The following KDM5C variants were observed in gnomAD, a reference collection of about 807,000 sequenced individuals.
The protein encoded by KDM5C is lysine demethylase 5C.
A neutral mutation model predicts 110.6 loss-of-function variants in KDM5C; 16 were observed. The ratio of observed to expected loss-of-function variants is 0.14; its 90% CI spans 0.10 to 0.22. KDM5C has a LOEUF of 0.22. KDM5C is among the 10% of genes least tolerant of loss of function. The pLI is 1.00. For missense variants in KDM5C, 681 were observed against 1,300.9 expected, an observed-to-expected ratio of 0.52 and a Z score of 7.33; for synonymous variants, 511 against 520.4, an observed-to-expected ratio of 0.98 and a Z score of 0.24.
In KDM5C at chrX:53,197,765, C is replaced by A. The variant is rs2073005200; in HGVS notation, c.2622+6G>T. The A allele has an allele frequency of 8.4e-7, 1 of 1,193,472 alleles. No individual in the cohort carries two copies. ...GATCCCTCATCAGCACTCCAAGCGTCCTCACCTTGACATCCCCAATCTGGT... is the reference window on the plus strand; with the variant it reads ...GATCCCTCATCAGCACTCCAAGCGTACTCACCTTGACATCCCCAATCTGGT... On this transcript the variant is annotated splice_donor_region_variant and intron_variant, in intron 18 of 25. Transcript: ENST00000375401.
chrX:53,202,485 C>T (rs1381698901), intron 12 of KDM5C: 1 of 123,852 alleles, frequency 8.1e-6, no homozygotes, highest in Non-Finnish European at 1.7e-5. Context: ...TCTCAATTTG[C>T]TCAGTTTTTT....
In KDM5C at chrX:53,196,816, G is replaced by T. The variant is rs1556837277; in HGVS notation, c.2851C>A (p.Arg951=). Residue 951 remains arginine (R), a synonymous_variant, in exon 19 of 26, where the codon CGA becomes AGA. Coordinates refer to ENST00000375401, the MANE Select transcript of KDM5C (RefSeq NM_004187.5). ...CTGGCACCCGCGACCAACAGTCCTCGCATGACAGCCAAGGTGCCCCTTCGG... is the reference window on the plus strand; with the variant it reads ...CTGGCACCCGCGACCAACAGTCCTCTCATGACAGCCAAGGTGCCCCTTCGG... ...SARRGTLAVM[R]GLLVAGASVA... is the part of the protein sequence containing the mutation. 7.4e-6 allele frequency: 9 copies of T among 1,211,374 alleles called. No individual in the cohort carries two copies. The highest frequency in any genetic ancestry group is 1.0e-5 in the Non-Finnish European group (9 of 894,974).
chrX:53,225,176 C>T lies in KDM5C; in HGVS notation c.-287G>A. 2.9e-6 allele frequency: 1 copy of T among 347,678 alleles called. No individual in the cohort carries two copies. Among genetic ancestry groups the T allele is most frequent in the East Asian group, 4.4e-5 (1 of 22,764 alleles). 28.7% of individuals were successfully genotyped at this position (347,678 alleles called of 1,213,427 possible). On this transcript the variant is annotated 5_prime_UTR_variant, in exon 1 of 26. Coordinates refer to ENST00000375401, the MANE Select transcript of KDM5C (RefSeq NM_004187.5). ...ACAGTTACCTCCCAAACGCCGCGGC[C>T]TTCAGCGCCGCCGCCGCCATCTTGG...
At chrX:53,187,203 G>C (rs1226672950), downstream of KDM5C, among the ~76,000 whole-genome samples, 1 of 110,334 alleles carries the variant, frequency 9.1e-6, no homozygotes, top group African/African-American at 3.3e-5. Context: ...CCTGCCAACA[G>C]AACAGTAACC....
Position 53,211,498 on chromosome X carries a change from T to A in KDM5C, c.1400A>T (p.Glu467Val). Reference sequence around the variant, plus strand: ...CGTAACCATGAATCATCCACTCACCTCCTCTTCGGGGGTTAGGTGCCGTTT... The same window carrying A: ...CGTAACCATGAATCATCCACTCACCACCTCTTCGGGGGTTAGGTGCCGTTT... ...DSKRHLTPEE[E>V]EYATSGWNLN... Residue 467 changes from glutamate to valine, a missense_variant and splice_region_variant, in exon 10 of 26, where the codon GAG becomes GTG. This residue lies in a region of KDM5C where 41 missense variants were observed against 205.9 expected (regional missense o/e 0.20). Transcript: ENST00000375401. 2 of 1,211,014 alleles carry A rather than the reference T, an allele frequency of 1.7e-6. No individual in the cohort carries two copies. The highest frequency in any genetic ancestry group is 3.5e-5 in the African/African-American group (2 of 57,771).
chrX:53,195,456 A>G lies in KDM5C; in HGVS notation c.3121-46T>C, dbSNP rs1556836074. ...CAGCTCAGTTCAACTTGCCAATGCT[A>G]TTGATGCTTACTCTGTGCCTGGCCC... On this transcript the variant is annotated intron_variant, in intron 20 of 25. Coordinates refer to ENST00000375401, the MANE Select transcript of KDM5C (RefSeq NM_004187.5). The G allele has an allele frequency of 5.5e-6, 6 of 1,097,006 alleles. No individual in the cohort carries two copies. The South Asian group carries it at 7.7e-5, about 14-fold the overall frequency. 90.4% of individuals were successfully genotyped at this position (1,097,006 alleles called of 1,213,427 possible).
At chrX:53,211,084 T>C (rs1400620732) in intron 10 of KDM5C, among the ~76,000 whole-genome samples, 1 of 111,643 alleles carries the variant, frequency 9.0e-6, no homozygotes, top group African/African-American at 3.3e-5. Context: ...TATATCCACC[T>C]ACCAAAATAC....
chrX:53,199,538 C>T (rs1556840516), intron 14 of KDM5C, among the ~76,000 whole-genome samples: 1 of 111,778 alleles, frequency 8.9e-6, no homozygotes, highest in African/African-American at 3.3e-5. Flanking sequence ...TACTGGGGAA[C>T]AATATCGGCT....
chrX:53,192,508 A>C lies in KDM5C; in HGVS notation c.*459T>G. 5 of 291,445 alleles carry C rather than the reference A, an allele frequency of 1.7e-5. No individual in the cohort carries two copies. The highest frequency in any genetic ancestry group is 2.5e-5 in the Non-Finnish European group (4 of 162,510). The allele number at this position is 291,445 out of a possible 1,213,427, so 24.0% of individuals were successfully genotyped here. On this transcript the variant is annotated 3_prime_UTR_variant, in exon 26 of 26. Coordinates refer to ENST00000375401, the MANE Select transcript of KDM5C (RefSeq NM_004187.5). ...CCTCCTGGGTGGAACAGTCAGGGGA[A>C]GGGAGAGGGAGAAGGGGGTAGGAAG...
At chrX:53,204,565 C>T (rs1345098522) in intron 12 of KDM5C, among the ~76,000 whole-genome samples, 4 of 109,544 alleles carry the variant, frequency 3.7e-5, no homozygotes, top group African/African-American at 1.3e-4. Flanking sequence ...GGTGTGATCT[C>T]GGCTCATTGT....
chrX:53,209,942 C>T (rs1053123122), intron 12 of KDM5C, among the ~76,000 whole-genome samples: 7 of 112,279 alleles, frequency 6.2e-5, no homozygotes, highest in Non-Finnish European at 1.1e-4. Flanking sequence ...AGTTGTACCT[C>T]GATATTCATT....
chrX:53,196,444 G>A (rs1257728322), intron 19 of KDM5C, among the ~76,000 whole-genome samples: 1 of 112,580 alleles, frequency 8.9e-6, no homozygotes, highest in African/African-American at 3.2e-5. Flanking sequence ...TAGCCTGTAG[G>A]GCTAGTCTTC....
At chrX:53,215,424 T>C (rs1481174087) in intron 7 of KDM5C, among the ~76,000 whole-genome samples, 2 of 111,735 alleles carry the variant, frequency 1.8e-5, no homozygotes, top group African/African-American at 3.3e-5. Flanking sequence ...AAAATGAACA[T>C]ACCTACAAGG....
rs73634286 is a variant in KDM5C at position 53,184,372 on chromosome X, T to C, written c.4309-7750A>G. Among the ~76,000 whole-genome samples the C allele has an allele frequency of 8.6e-3, 962 of 111,548 alleles. 10 individuals carry two copies. Among genetic ancestry groups the C allele is most frequent in the African/African-American group, 0.029 (885 of 30,655 alleles). ...CTCCTTCCTCAGCCTCCCGTGTAGC[T>C]GGGAGTACAGACACACATCACCATG... On this transcript the variant is annotated intron_variant, in intron 25 of 25. Coordinates refer to the KDM5C transcript ENST00000685641.
At chrX:53,210,879 A>G (rs782459350) in intron 10 of KDM5C, 22 bp from the exon 11 acceptor site, 1 of 1,181,760 alleles carries the variant, frequency 8.5e-7, no homozygotes, top group South Asian at 1.8e-5. Context: ...GGTATTTGTA[A>G]AAAGGGCATG....
rs1556832487 is a variant in KDM5C at position 53,193,241 on chromosome X, T to C, written c.4409A>G (p.Asp1470Gly). The C allele has an allele frequency of 8.3e-7, 1 of 1,208,928 alleles. No homozygotes were observed. Among genetic ancestry groups the C allele is most frequent in the Non-Finnish European group, 1.1e-6 (1 of 895,155 alleles). ...RRKVDRGGEG[D>G]DPAREELEPK... ...CTCTAGCTCCTCTCGGGCTGGGTCA[T>C]CGCCCTCCCCACCCCGATCCACCTT... Residue 1470 changes from aspartate (D) to glycine (G), a missense_variant, in exon 26 of 26, where the codon GAT becomes GGT. Physicochemically the swap from Asp to Gly is moderately conservative, Grantham distance 94 (BLOSUM62 -1). This residue lies in a region of KDM5C where 115 missense variants were observed against 120.9 expected (regional missense o/e 0.95). Transcript: ENST00000375401.
intron 17 of KDM5C, 108 bp downstream of exon 17, chrX:53,198,382 G>A: frequency 1.0e-6 from 1 of 988,953 alleles, no homozygotes; most frequent in Non-Finnish European, 1.4e-6. Context: ...GCTTCCTGCT[G>A]ATGTCCATTC....
At chrX:53,222,825 A>G (rs2073933462) in intron 1 of KDM5C, among the ~76,000 whole-genome samples, 1 of 111,279 alleles carries the variant, frequency 9.0e-6, no homozygotes, top group African/African-American at 3.3e-5. Context: ...CCTGCCCAGC[A>G]ATTCAGGCCC....
chrX:53,221,838 A>G (rs1556854845), intron 1 of KDM5C: 1 of 633,951 alleles, frequency 1.6e-6, no homozygotes, highest in Admixed American at 3.2e-5. Flanking sequence ...GAAGTCAGGG[A>G]AAGATCATGA....
Sources: gnomAD v4.1 joint callset for allele counts (sites outside exome capture counted in the v4.1 genomes callset) on GRCh38, gnomAD v4.1.1 for gene constraint, gnomAD v4.1.1 regional missense constraint, MANE v1.5 for transcripts, NCBI Gene and HGNC (gene_info 2026-07-23, HGNC 2026-07-21) for gene names.